Variants in CCDC18 observed in about 807,000 individuals in gnomAD.
The protein encoded by CCDC18 is coiled-coil domain-containing protein 18.
A neutral mutation model predicts 196.0 loss-of-function variants in CCDC18; 157 were observed. That is an observed-to-expected ratio of 0.80 (90% confidence interval 0.70 to 0.91). The LOEUF (loss-of-function observed/expected upper bound fraction) is 0.91, where lower values mean the gene tolerates loss of function less well. Ranked by LOEUF, CCDC18 falls within the 40% of genes least tolerant of loss-of-function variation. CCDC18 has a pLI of 0.00. For missense variants in CCDC18, 1,465 were observed against 1,611.6 expected (o/e 0.91, Z 1.56); for synonymous variants, 482 against 529.2 (o/e 0.91, Z 1.22).
At chr1:93,241,038 GCCTCCACCT>G (rs1660707062) in intron 21 of CCDC18, among the ~76,000 whole-genome samples, 1 of 151,932 alleles carries the variant, frequency 6.6e-6, no homozygotes, top group Non-Finnish European at 1.5e-5. Flanking sequence ...GCTCACTGCA[GCCTCCACCT>G]CCTGTTCAAG....
At chr1:93,198,152 C>T (rs1486452804) in intron 6 of CCDC18, among the ~76,000 whole-genome samples, 1 of 152,140 alleles carries the variant, frequency 6.6e-6, no homozygotes, top group Non-Finnish European at 1.5e-5. Flanking sequence ...CCTTATGATC[C>T]AGCATTCATT....
intron 17 of CCDC18, among the ~76,000 whole-genome samples, chr1:93,229,543 G>A (rs899574103): frequency 6.6e-6 from 1 of 152,134 alleles, no homozygotes; most frequent in Non-Finnish European, 1.5e-5. Context: ...TTAAATCAGG[G>A]AATATGCCCC....
At chr1:93,267,733 G>T (rs1664717229) in intron 27 of CCDC18, among the ~76,000 whole-genome samples, 1 of 152,134 alleles carries the variant, frequency 6.6e-6, no homozygotes. Flanking sequence ...ACTTACAAGG[G>T]ATGTGAAGGA....
Position 93,226,316 on chromosome 1 carries a change from CT to C in CCDC18, c.2176-10del, listed in dbSNP as rs768569244. The C allele has an allele frequency of 3.3e-5, 17 of 517,922 alleles. No individual in the cohort carries two copies. The highest frequency in any genetic ancestry group is 5.3e-4 in the Middle Eastern group (1 of 1,894). 32.1% of individuals were successfully genotyped at this position (517,922 alleles called of 1,614,324 possible). A position where few individuals can be genotyped will look rare whatever the true frequency, so the allele number is the denominator to read the frequency against. On this transcript the variant is annotated splice_polypyrimidine_tract_variant and intron_variant, in intron 16 of 28. Transcript: ENST00000690025. ...GTTTTGTGTTTTTTTTTTTTTTTTG[CT>C]TTTTTTCCTGCTTAGGTTAGGCAAC...
chr1:93,196,256 A>G (rs1396069707), intron 6 of CCDC18, among the ~76,000 whole-genome samples: 1 of 152,194 alleles, frequency 6.6e-6, no homozygotes, highest in African/African-American at 2.4e-5. Context: ...CCTAGGAGGC[A>G]GAGATTACAG....
intron 4 of CCDC18, among the ~76,000 whole-genome samples, chr1:93,189,900 C>A (rs546461925): frequency 6.6e-6 from 1 of 152,162 alleles, no homozygotes; most frequent in African/African-American, 2.4e-5. Context: ...CTCCTGGACT[C>A]AAGCGATCCA....
intron 3 of CCDC18, among the ~76,000 whole-genome samples, chr1:93,184,463 T>C (rs1650284198): frequency 6.6e-6 from 1 of 151,906 alleles, no homozygotes; most frequent in South Asian, 2.1e-4. Context: ...ATCTTATACA[T>C]AATAGGTAAT....
chr1:93,215,065 T>A, intron 12 of CCDC18, 99 bp downstream of exon 12: 3 of 675,830 alleles, frequency 4.4e-6, no homozygotes, highest in Non-Finnish European at 7.0e-6. Context: ...ACATCCAGAT[T>A]TAAAGTTTTT....
intron 7 of CCDC18, among the ~76,000 whole-genome samples, chr1:93,203,691 T>A (rs1035600828): frequency 6.6e-6 from 1 of 152,112 alleles, no homozygotes; most frequent in Non-Finnish European, 1.5e-5. Context: ...CTGAACCAGG[T>A]GTGGTGGCTT....
chr1:93,223,192 C>T (rs1657728126), intron 16 of CCDC18, among the ~76,000 whole-genome samples: 2 of 152,282 alleles, frequency 1.3e-5, no homozygotes, highest in Non-Finnish European at 2.9e-5. Flanking sequence ...ACTGGGCAGT[C>T]ATCTGGTGAG....
At chr1:93,235,429 A>C (rs1659942218) in intron 18 of CCDC18, among the ~76,000 whole-genome samples, 1 of 152,196 alleles carries the variant, frequency 6.6e-6, no homozygotes, top group Admixed American at 6.5e-5. Flanking sequence ...AGGTTGGGAA[A>C]TGTCCATTGG....
intron 16 of CCDC18, among the ~76,000 whole-genome samples, chr1:93,223,900 TACACAC>T (rs60165485): frequency 0.038 from 5,302 of 141,232 alleles, 132 homozygotes; most frequent in African/African-American, 0.054. Context: ...CATTTATTTA[TACACAC>T]ACACACACAC....
chr1:93,236,499 C>G (rs1660087932), intron 19 of CCDC18, 109 bp downstream of exon 19: 1 of 1,019,344 alleles, frequency 9.8e-7, no homozygotes, highest in African/African-American at 1.7e-5. Context: ...ATTAATGTCT[C>G]CATAGTCTGT....
intron 3 of CCDC18, among the ~76,000 whole-genome samples, chr1:93,184,821 G>T (rs1257813217): frequency 4.6e-5 from 7 of 151,838 alleles, no homozygotes; most frequent in African/African-American, 1.4e-4. Flanking sequence ...TTTCCTTTTT[G>T]TAACGAATCT....
At chr1:93,216,558 G>GGAGCA (rs758563385) in intron 12 of CCDC18, 78 bp from the exon 13 acceptor site, 617 of 637,446 alleles carry the variant, frequency 9.7e-4, no homozygotes, top group Non-Finnish European at 1.3e-3. Context: ...CTTTGAAAGA[G>GGAGCA]GAGCAGGTGT....
chr1:93,244,519 TAGAG>T (rs1480256881), intron 21 of CCDC18, among the ~76,000 whole-genome samples: 2 of 152,130 alleles, frequency 1.3e-5, no homozygotes, highest in Non-Finnish European at 2.9e-5. Flanking sequence ...GGCAAATTCA[TAGAG>T]AAAGAAAGAT....
intron 20 of CCDC18, 32 bp downstream of exon 20, chr1:93,239,505 T>C (rs778657552): frequency 6.3e-7 from 1 of 1,576,318 alleles, no homozygotes; most frequent in South Asian, 1.2e-5. Flanking sequence ...TATAGCTGCC[T>C]ATGTATTTGT....
upstream of CCDC18, chr1:93,180,393 G>T (rs1034923574): frequency 8.1e-7 from 1 of 1,240,648 alleles, no homozygotes; most frequent in Non-Finnish European, 1.1e-6. Flanking sequence ...CACTCCCTCC[G>T]AAAGAGAAGC....
chr1:93,204,663 C>T (rs1654415180), intron 7 of CCDC18, among the ~76,000 whole-genome samples: 1 of 152,024 alleles, frequency 6.6e-6, no homozygotes, highest in Admixed American at 6.6e-5. Context: ...CAGTTGATTA[C>T]AAAGTGGTCA....
Sources: allele counts gnomAD v4.1 joint callset (sites outside exome capture counted in the v4.1 genomes callset), GRCh38; gene constraint gnomAD v4.1.1; transcripts MANE v1.5; gene names NCBI Gene and HGNC (gene_info 2026-07-23, HGNC 2026-07-21).